Variants in ADAMTS20 observed in about 807,000 individuals in gnomAD.
ADAMTS20 encodes A disintegrin and metalloproteinase with thrombospondin motifs 20.
In ADAMTS20, 225 loss-of-function variants were observed where a neutral mutation model predicts 260.1. The ratio of observed to expected loss-of-function variants is 0.87; its 90% CI spans 0.78 to 0.97. ADAMTS20 has a LOEUF of 0.97. Ranked by LOEUF, ADAMTS20 falls within the 50% of genes least tolerant of loss-of-function variation. ADAMTS20 has a pLI of 0.00. For synonymous variants in ADAMTS20, 802 were observed against 769.5 expected, an observed-to-expected ratio of 1.04 and a Z score of -0.70; for missense variants, 2,400 against 2,337.7, an observed-to-expected ratio of 1.03 and a Z score of -0.55.
chr12:43,355,763 C>A (rs1413064074), intron 38 of ADAMTS20, among the ~76,000 whole-genome samples: 17 of 151,984 alleles, frequency 1.1e-4, no homozygotes, highest in Admixed American at 1.1e-3. Flanking sequence ...GAAAGCATTT[C>A]ATGAAGTGTA....
chr12:43,370,035 G>C (rs1940073423), intron 36 of ADAMTS20, among the ~76,000 whole-genome samples: 1 of 152,120 alleles, frequency 6.6e-6, no homozygotes, highest in South Asian at 2.1e-4. Context: ...ACCTATTCAT[G>C]TTTGAATCAA....
chr12:43,458,574 C>A (rs1942006546), intron 11 of ADAMTS20, among the ~76,000 whole-genome samples: 1 of 152,178 alleles, frequency 6.6e-6, no homozygotes, highest in Non-Finnish European at 1.5e-5. Flanking sequence ...CCTCTCATCT[C>A]CTTTAAGACA....
At chr12:43,396,783 T>C (rs1193603389) in intron 29 of ADAMTS20, among the ~76,000 whole-genome samples, 2 of 152,170 alleles carry the variant, frequency 1.3e-5, no homozygotes, top group South Asian at 2.1e-4. Context: ...GGATGATGGA[T>C]TCACTATTGT....
intron 29 of ADAMTS20, among the ~76,000 whole-genome samples, chr12:43,389,843 C>T (rs1013453633): frequency 2.6e-5 from 4 of 152,140 alleles, no homozygotes; most frequent in African/African-American, 9.7e-5. Context: ...TATCTCTGCC[C>T]TTGCAATGGC....
chr12:43,523,909 C>A (rs1358948678), intron 3 of ADAMTS20, among the ~76,000 whole-genome samples: 1 of 151,324 alleles, frequency 6.6e-6, no homozygotes, highest in South Asian at 2.1e-4. Flanking sequence ...AGGACAGACA[C>A]TTTGGGGGAG....
rs1943477125 is a variant in ADAMTS20, at chr12:43,549,009, T to C, written c.453+1900A>G. On this transcript the variant is annotated intron_variant, in intron 2 of 38. Transcript: ENST00000389420. ...TCTTCAAAAATTTAGTAAAAGAACA[T>C]TCAGAACAAATCATTTTATTTGTTT... 2.0e-5 allele frequency among the ~76,000 whole-genome samples: 3 copies of C among 152,078 alleles called. No individual in the cohort carries two copies. In the South Asian group the frequency reaches 6.2e-4, roughly 31 times the overall value.
chr12:43,409,580 C>A (rs1172446092), intron 28 of ADAMTS20, among the ~76,000 whole-genome samples: 1 of 100,724 alleles, frequency 9.9e-6, no homozygotes, highest in East Asian at 2.8e-4. Flanking sequence ...CCAGCCTGGG[C>A]GACAGAGCGA....
At position 43,354,131 on chromosome 12, in the gene ADAMTS20, A is replaced by T; in HGVS notation, c.*78T>A. The T allele has an allele frequency of 9.0e-7, 1 of 1,108,238 alleles. No homozygotes were observed. 68.7% of individuals were successfully genotyped at this position (1,108,238 alleles called of 1,614,324 possible). On this transcript the variant is annotated 3_prime_UTR_variant, in exon 39 of 39. Transcript: ENST00000389420. ...ACATGGAAATCTCGGGAAGGGAGAT[A>T]TAAAGAAATGAGCACCAGTTATTTG... is the stretch of plus-strand genomic sequence containing the variant.
In ADAMTS20 at chr12:43,416,850, T is replaced by C. The variant is rs144363836; in HGVS notation, c.4284+8664A>G. Among the ~76,000 whole-genome samples the C allele has an allele frequency of 1.1e-4, 17 of 152,264 alleles. No individual in the cohort carries two copies. The East Asian group carries it at 2.5e-3, about 23-fold the overall frequency. ...CTGAACTACTTTTTTCTGGTCTCTA[T>C]GGTTTTGCTATAGGTGGTCTCCTAC... On this transcript the variant is annotated intron_variant, in intron 28 of 38. Transcript: ENST00000389420.
chr12:43,432,785 C>T lies in ADAMTS20; in HGVS notation c.2747G>A (p.Cys916Tyr), dbSNP rs1433650916. ...ATATCCTTGACCACATTGGGATGAA[C>T]ATTCACTTTTGCCAATAACATGCCA... ...LRWHVIGKSECSSQCGQGYRT... is the reference protein window; with the variant it reads ...LRWHVIGKSEYSSQCGQGYRT... The change falls in exon 20 of 39, where the codon TGT (cysteine) becomes TAT (tyrosine). Residue 916 changes from cysteine to tyrosine, a missense_variant. Cys to Tyr is a radical substitution (Grantham distance 194). Coordinates refer to ENST00000389420, the MANE Select transcript of ADAMTS20 (RefSeq NM_025003.5). 1 of 1,613,832 alleles carries T rather than the reference C, an allele frequency of 6.2e-7. No individual in the cohort carries two copies. Among genetic ancestry groups the T allele is most frequent in the African/African-American group, 1.3e-5 (1 of 75,012 alleles).
In ADAMTS20 at chr12:43,493,199, C is replaced by T; in HGVS notation, c.922G>A (p.Val308Ile). 6.4e-7 allele frequency: 1 copy of T among 1,563,134 alleles called. No homozygotes were observed. Among genetic ancestry groups the T allele is most frequent in the East Asian group, 2.3e-5 (1 of 42,954 alleles). The change falls in exon 5 of 39, where the codon GTA (valine) becomes ATA (isoleucine). Residue 308 changes from valine to isoleucine, a missense_variant. By Grantham distance (29) the Val-to-Ile change is conservative. Coordinates refer to ENST00000389420, the MANE Select transcript of ADAMTS20 (RefSeq NM_025003.5). ...SIGNLIHIVV[V>I]KLVMIHREEE... Reference sequence around the variant, plus strand: ...TCACGGTGAATCATAACTAATTTTACCACTACTATGTGTATCAAATTTCCA... The same window carrying T: ...TCACGGTGAATCATAACTAATTTTATCACTACTATGTGTATCAAATTTCCA...
At chr12:43,453,800 T>A in intron 12 of ADAMTS20, 107 bp downstream of exon 12, 2 of 1,300,272 alleles carry the variant, frequency 1.5e-6, no homozygotes, top group Non-Finnish European at 2.1e-6. Context: ...TTTCTGAATC[T>A]CAGAAACTTA....
intron 4 of ADAMTS20, among the ~76,000 whole-genome samples, chr12:43,498,052 G>A (rs1316776462): frequency 1.3e-5 from 2 of 152,002 alleles, no homozygotes; most frequent in African/African-American, 4.8e-5. Context: ...ACCTGGTGTT[G>A]TCACCCAAAT....
At chr12:43,415,202 T>G (rs1042469640) in intron 28 of ADAMTS20, among the ~76,000 whole-genome samples, 1 of 152,284 alleles carries the variant, frequency 6.6e-6, no homozygotes, top group African/African-American at 2.4e-5. Context: ...TTTGGGAAGA[T>G]AGTAACTGCA....
At position 43,497,289 on chromosome 12, in the gene ADAMTS20, CT is replaced by C. The variant is rs1405700669; in HGVS notation, c.868-4037del. 2.6e-5 allele frequency among the ~76,000 whole-genome samples: 4 copies of C among 152,222 alleles called. No homozygotes were observed. The East Asian group carries it at 7.7e-4, about 29-fold the overall frequency. On this transcript the variant is annotated intron_variant, in intron 4 of 38. Transcript: ENST00000389420. ...TTAAGAAAATTCTAGGCAAAATATA[CT>C]TCATACAAAGCATGAAACAAATTGC...
In ADAMTS20 at chr12:43,377,295, C is replaced by A. The variant is rs1045820629; in HGVS notation, c.4995+70G>T. 5.7e-6 allele frequency: 8 copies of A among 1,393,166 alleles called. No homozygotes were observed. The African/African-American group carries it at 1.0e-4, about 18-fold the overall frequency. 86.3% of individuals were successfully genotyped at this position (1,393,166 alleles called of 1,614,324 possible). The stretch of plus-strand genomic sequence containing the variant: ...CTGAGGATCTAGTTAGACATACAAA[C>A]AGATTACCAGATTTCCCACACCTAG... On this transcript the variant is annotated intron_variant, in intron 32 of 38. Coordinates refer to ENST00000389420, the MANE Select transcript of ADAMTS20 (RefSeq NM_025003.5).
intron 11 of ADAMTS20, among the ~76,000 whole-genome samples, chr12:43,462,657 A>G (rs983613170): frequency 7.2e-5 from 11 of 152,216 alleles, no homozygotes; most frequent in Non-Finnish European, 1.2e-4. Flanking sequence ...TATCCATGTA[A>G]TTATTTATAT....
At chr12:43,423,085 C>G (rs1448474725) in intron 28 of ADAMTS20, 1 of 151,872 alleles carries the variant, frequency 6.6e-6, no homozygotes, top group African/African-American at 2.4e-5. Context: ...AATCTAAGTA[C>G]CTTTTTATGT....
At chr12:43,483,723 C>T (rs1221706444) in intron 7 of ADAMTS20, among the ~76,000 whole-genome samples, 1 of 152,084 alleles carries the variant, frequency 6.6e-6, no homozygotes, top group Non-Finnish European at 1.5e-5. Flanking sequence ...TCCTTCTCTT[C>T]CCCTTGAAAA....
Sources: allele counts gnomAD v4.1 joint callset (sites outside exome capture counted in the v4.1 genomes callset), GRCh38; gene constraint gnomAD v4.1.1; transcripts MANE v1.5; gene names NCBI Gene and HGNC (gene_info 2026-07-23, HGNC 2026-07-21).